The following SV2C variants were observed in gnomAD, a reference collection of about 807,000 sequenced individuals.
SV2C encodes the protein solute carrier family 22 member B3.
Under a neutral mutation model 79.7 loss-of-function variants are expected in SV2C, and 49 were observed. The ratio of observed to expected loss-of-function variants is 0.61; its 90% confidence interval spans 0.49 to 0.78. The LOEUF (loss-of-function observed/expected upper bound fraction) is 0.78. Ranked by LOEUF, SV2C falls within the 30% of genes least tolerant of loss-of-function variation. The pLI, the probability that SV2C is intolerant of heterozygous loss-of-function variation, is 0.00. For synonymous variants in SV2C, 334 were observed against 333.2 expected (o/e 1.00, Z -0.03); for missense variants, 833 against 912.9 (o/e 0.91, Z 1.13).
At chr5:75,982,753 C>A in the SV2C span, among the ~76,000 whole-genome samples, 1 of 152,122 alleles carries the variant, frequency 6.6e-6, no homozygotes, top group African/African-American at 2.4e-5. Flanking sequence ...GAAAATGTGA[C>A]ACATATATAC....
the SV2C span, among the ~76,000 whole-genome samples, chr5:75,987,750 A>T: frequency 6.6e-6 from 1 of 152,038 alleles, no homozygotes; most frequent in African/African-American, 2.4e-5. Context: ...TGAAAAACTT[A>T]AACAATATTG....
the SV2C span, among the ~76,000 whole-genome samples, chr5:76,061,405 A>G: frequency 6.6e-6 from 1 of 152,016 alleles, no homozygotes. Flanking sequence ...TTGACTCATG[A>G]CAAACAGTGA....
the SV2C span, among the ~76,000 whole-genome samples, chr5:75,874,933 C>T: frequency 6.6e-6 from 1 of 152,152 alleles, no homozygotes; most frequent in Non-Finnish European, 1.5e-5. Flanking sequence ...GAAAAACATT[C>T]CATGCTCATG....
At chr5:75,879,440 C>T in the SV2C span, among the ~76,000 whole-genome samples, 1 of 152,072 alleles carries the variant, frequency 6.6e-6, no homozygotes, top group Non-Finnish European at 1.5e-5. Context: ...GAAAGAGTGG[C>T]CAAAAGAAAA....
At chr5:76,033,161 G>C in the SV2C span, among the ~76,000 whole-genome samples, 1 of 151,906 alleles carries the variant, frequency 6.6e-6, no homozygotes. Context: ...TTTGTCAGAT[G>C]AGTAGGTTGC....
the SV2C span, among the ~76,000 whole-genome samples, chr5:75,915,169 A>C: frequency 6.6e-6 from 1 of 152,190 alleles, no homozygotes; most frequent in Non-Finnish European, 1.5e-5. Flanking sequence ...GGACACAGTC[A>C]AACCATATCA....
At chr5:76,036,718 G>A in the SV2C span, among the ~76,000 whole-genome samples, 1 of 152,056 alleles carries the variant, frequency 6.6e-6, no homozygotes, top group South Asian at 2.1e-4. Flanking sequence ...TGACAATTAG[G>A]TGTCTTGGAG....
chr5:76,214,723 C>A (rs1744866169), intron 4 of SV2C, among the ~76,000 whole-genome samples: 3 of 152,184 alleles, frequency 2.0e-5, no homozygotes, highest in Middle Eastern at 3.2e-3. Context: ...TAGTTTTCAA[C>A]ATACAAATCT....
chr5:76,031,675 C>A, the SV2C span, among the ~76,000 whole-genome samples: 21 of 152,254 alleles, frequency 1.4e-4, no homozygotes, highest in African/African-American at 4.3e-4. Flanking sequence ...TATTCAATAT[C>A]TTTATTATTA....
the SV2C span, among the ~76,000 whole-genome samples, chr5:75,902,384 C>T: frequency 3.3e-5 from 5 of 152,294 alleles, no homozygotes; most frequent in East Asian, 9.6e-4. Context: ...ACAGAAGGTG[C>T]TGTATGGGCC....
intron 1 of SV2C, among the ~76,000 whole-genome samples, chr5:76,122,125 T>G (rs1310482905): frequency 6.6e-6 from 1 of 151,046 alleles, no homozygotes; most frequent in African/African-American, 2.5e-5. Context: ...TTATTCTCTT[T>G]GAAGCAACTG....
At chr5:76,205,831 G>C (rs1038053880) in intron 3 of SV2C, among the ~76,000 whole-genome samples, 2 of 152,150 alleles carry the variant, frequency 1.3e-5, no homozygotes, top group East Asian at 1.9e-4. Flanking sequence ...GTAAGGAGCT[G>C]TTCTGTGAGT....
At chr5:76,128,381 G>A (rs2112178229) in intron 1 of SV2C, among the ~76,000 whole-genome samples, 1 of 152,292 alleles carries the variant, frequency 6.6e-6, no homozygotes, top group Middle Eastern at 3.4e-3. Flanking sequence ...ACAATTTAGA[G>A]AAGCGGTTAT....
chr5:75,976,300 T>A, the SV2C span, among the ~76,000 whole-genome samples: 1 of 152,162 alleles, frequency 6.6e-6, no homozygotes. Flanking sequence ...TCTTTCTCTC[T>A]CTCTCTGGAG....
intron 12 of SV2C, among the ~76,000 whole-genome samples, chr5:76,319,143 G>T (rs780425006): frequency 4.6e-5 from 7 of 152,104 alleles, no homozygotes; most frequent in Non-Finnish European, 5.9e-5. Context: ...GGGCGTGGTG[G>T]CTCACGCCTG....
chr5:76,026,768 G>C, the SV2C span, among the ~76,000 whole-genome samples: 1 of 152,134 alleles, frequency 6.6e-6, no homozygotes, highest in African/African-American at 2.4e-5. Context: ...AAATAAAGAT[G>C]ATCCTAGGAG....
chr5:76,157,689 G>A (rs1275571102), intron 2 of SV2C, among the ~76,000 whole-genome samples: 5 of 151,384 alleles, frequency 3.3e-5, no homozygotes, highest in African/African-American at 1.2e-4. Context: ...TGACTCTAGT[G>A]GTAACAAATT....
intron 4 of SV2C, among the ~76,000 whole-genome samples, chr5:76,237,233 G>A (rs1015925153): frequency 2.0e-5 from 3 of 152,160 alleles, no homozygotes; most frequent in African/African-American, 7.2e-5. Context: ...ACTGAACCAA[G>A]TAGTATATTG....
chr5:76,043,306 C>T, the SV2C span, among the ~76,000 whole-genome samples: 1 of 152,188 alleles, frequency 6.6e-6, no homozygotes, highest in Admixed American at 6.5e-5. Flanking sequence ...TGACCAATAA[C>T]ATATGGCTGA....
Sources: allele counts gnomAD v4.1 joint callset (sites outside exome capture counted in the v4.1 genomes callset), GRCh38; gene constraint gnomAD v4.1.1; transcripts MANE v1.5; gene names NCBI Gene and HGNC (gene_info 2026-07-23, HGNC 2026-07-21).